The following GALNT5 variants were observed in gnomAD, a reference collection of about 807,000 sequenced individuals.
GALNT5 encodes polypeptide N-acetylgalactosaminyltransferase 5.
Under a neutral mutation model 85.4 loss-of-function variants are expected in GALNT5, and 72 were observed. That is an observed-to-expected ratio of 0.84 (90% CI 0.70 to 1.03). The LOEUF is 1.03. Among genes scored for constraint, GALNT5 ranks in the 50% least tolerant of loss-of-function variants. The pLI, the probability that GALNT5 is intolerant of heterozygous loss-of-function variation, is 0.00. For synonymous variants in GALNT5, 404 were observed against 397.0 expected (o/e 1.02, Z -0.21); for missense variants, 1,137 against 1,135.5 (o/e 1.00, Z -0.02).
In GALNT5 at chr2:157,258,779, G is replaced by T. The variant is rs146507733; in HGVS notation, c.697G>T (p.Ala233Ser). The T allele has an allele frequency of 6.2e-7, 1 of 1,608,284 alleles. No homozygotes were observed. Among genetic ancestry groups the T allele is most frequent in the Non-Finnish European group, 8.5e-7 (1 of 1,175,436 alleles). The change falls in exon 1 of 10, where the codon GCA becomes TCA. Residue 233 changes from alanine to serine, a missense_variant. Physicochemically the swap from Ala to Ser is moderately conservative, Grantham distance 99 (BLOSUM62 1). Transcript: ENST00000259056. ...STDRPKQRSQ[A>S]VANERAHPAS... ...TGATAGACCAAAGCAGCGATCACAG[G>T]CAGTAGCAAACGAGAGGGCACACCC...
At chr2:157,261,179 C>T (rs1041197724) in intron 1 of GALNT5, among the ~76,000 whole-genome samples, 4 of 152,048 alleles carry the variant, frequency 2.6e-5, no homozygotes, top group African/African-American at 9.7e-5. Flanking sequence ...TTCATTTTAA[C>T]ATGCCCTTAT....
At position 157,311,313 on chromosome 2, in the gene GALNT5, C is replaced by A; in HGVS notation, c.2788C>A (p.Gln930Lys). Reference protein sequence around the residue: ...VAACDPVKPYQKWKFEKYYEA With the variant: ...VAACDPVKPYKKWKFEKYYEA ...TGCCTGTGACCCAGTGAAGCCATAT[C>A]AAAAGTGGAAATTTGAAAAATATTA... is the stretch of plus-strand genomic sequence containing the variant. The change falls in exon 10 of 10, where the codon CAA becomes AAA. Residue 930 changes from glutamine (Q) to lysine (K), a missense_variant. By Grantham distance (53) the Gln-to-Lys change is moderately conservative. Coordinates refer to ENST00000259056, the MANE Select transcript of GALNT5 (RefSeq NM_014568.3). The A allele has an allele frequency of 6.2e-7, 1 of 1,609,260 alleles. No individual in the cohort carries two copies. Among genetic ancestry groups the A allele is most frequent in the South Asian group, 1.1e-5 (1 of 90,174 alleles).
rs1304878066 is a variant in GALNT5, at chr2:157,314,957, A to G, written c.*3609A>G. On this transcript the variant is annotated 3_prime_UTR_variant, in exon 10 of 10. Coordinates refer to ENST00000259056, the MANE Select transcript of GALNT5 (RefSeq NM_014568.3). ...GCTGGGCATGGTGGTGGGCGCCTGT[A>G]ATCCCAGCTACCTGGGAGGCTGAAG... Among the ~76,000 whole-genome samples the G allele has an allele frequency of 6.6e-6, 1 of 152,088 alleles. No individual in the cohort carries two copies. The highest frequency in any genetic ancestry group is 1.5e-5 in the Non-Finnish European group (1 of 68,002).
At chr2:157,297,202 C>G (rs1003887722) in intron 5 of GALNT5, among the ~76,000 whole-genome samples, 1 of 152,194 alleles carries the variant, frequency 6.6e-6, no homozygotes, top group Non-Finnish European at 1.5e-5. Context: ...CCAGCCCCAA[C>G]AGAAAGCCAA....
Position 157,311,353 on chromosome 2 carries a change from T to C in GALNT5, c.*5T>C. 6.3e-7 allele frequency: 1 copy of C among 1,580,466 alleles called. No homozygotes were observed. The highest frequency in any genetic ancestry group is 8.6e-7 in the Non-Finnish European group (1 of 1,158,518). On this transcript the variant is annotated 3_prime_UTR_variant, in exon 10 of 10. Coordinates refer to ENST00000259056, the MANE Select transcript of GALNT5 (RefSeq NM_014568.3). The stretch of plus-strand genomic sequence containing the variant: ...GAAAAATATTATGAAGCCTGAAGTG[T>C]AACTGATGTTTTTATATAGTAAACC...
chr2:157,272,555 T>G (rs1682613925), intron 1 of GALNT5, among the ~76,000 whole-genome samples: 1 of 152,200 alleles, frequency 6.6e-6, no homozygotes, highest in Non-Finnish European at 1.5e-5. Context: ...TAGTCCCCAG[T>G]GTCTATCATT....
rs895063247 is a variant in GALNT5, at chr2:157,259,108, A to C, written c.1026A>C (p.Lys342Asn). 1 of 1,476,110 alleles carries C rather than the reference A, an allele frequency of 6.8e-7. No homozygotes were observed. Among genetic ancestry groups the C allele is most frequent in the Admixed American group, 2.4e-5 (1 of 42,390 alleles). 91.4% of individuals were successfully genotyped at this position (1,476,110 alleles called of 1,614,324 possible). ...KADPKEVSNS[K>N]TKTIFPKVLG... ...ACCCCAAAGAGGTCTCTAATTCTAA[A>C]ACCAAAACAATATTTCCTAAAGTAT... The change falls in exon 1 of 10, where the codon AAA becomes AAC. Residue 342 changes from lysine to asparagine, a missense_variant. Coordinates refer to ENST00000259056, the MANE Select transcript of GALNT5 (RefSeq NM_014568.3).
At chr2:157,277,322 G>C (rs1302936758) in intron 1 of GALNT5, among the ~76,000 whole-genome samples, 1 of 152,176 alleles carries the variant, frequency 6.6e-6, no homozygotes, top group Non-Finnish European at 1.5e-5. Flanking sequence ...GAGTTCTGTA[G>C]ATGTCTATTA....
At position 157,258,753 on chromosome 2, in the gene GALNT5, C is replaced by T. The variant is rs751698869; in HGVS notation, c.671C>T (p.Thr224Ile). Reference sequence around the variant, plus strand: ...TTGAATGTGACCATCAGTCTTAGTACTGATAGACCAAAGCAGCGATCACAG... The same window carrying T: ...TTGAATGTGACCATCAGTCTTAGTATTGATAGACCAAAGCAGCGATCACAG... ...RDLNVTISLS[T>I]DRPKQRSQAV... Residue 224 changes from threonine to isoleucine, a missense_variant, in exon 1 of 10, where the codon ACT becomes ATT. By Grantham distance (89) the Thr-to-Ile change is moderately conservative. Transcript: ENST00000259056. 1.9e-5 allele frequency: 30 copies of T among 1,612,800 alleles called. No individual in the cohort carries two copies. The highest frequency in any genetic ancestry group is 1.2e-4 in the South Asian group (11 of 91,032).
At chr2:157,283,923 A>C (rs900359950) in intron 1 of GALNT5, among the ~76,000 whole-genome samples, 1 of 152,208 alleles carries the variant, frequency 6.6e-6, no homozygotes, top group African/African-American at 2.4e-5. Context: ...AGACCTGAGA[A>C]ATATTGGCCA....
rs182030445 is a variant in GALNT5, at chr2:157,315,130, T to A, written c.*3782T>A. 9.2e-5 allele frequency among the ~76,000 whole-genome samples: 14 copies of A among 152,052 alleles called. No homozygotes were observed. Among genetic ancestry groups the A allele is most frequent in the Admixed American group, 7.9e-4 (12 of 15,276 alleles). ...CAGAAGAAAGCCCCAAAATCTTGGATTAAAACAAAAAAATGACATTGGGTG... is the reference window on the plus strand; with the variant it reads ...CAGAAGAAAGCCCCAAAATCTTGGAATAAAACAAAAAAATGACATTGGGTG... On this transcript the variant is annotated 3_prime_UTR_variant, in exon 10 of 10. Coordinates refer to ENST00000259056, the MANE Select transcript of GALNT5 (RefSeq NM_014568.3).
At chr2:157,302,856 G>C (rs1328144790) in intron 7 of GALNT5, among the ~76,000 whole-genome samples, 1 of 152,146 alleles carries the variant, frequency 6.6e-6, no homozygotes, top group Non-Finnish European at 1.5e-5. Flanking sequence ...ATTTTCCTTT[G>C]TTGTCTTCCT....
intron 7 of GALNT5, among the ~76,000 whole-genome samples, chr2:157,304,176 C>T (rs1227898417): frequency 1.3e-5 from 2 of 152,182 alleles, no homozygotes; most frequent in Admixed American, 6.5e-5. Context: ...TTTCTATTCA[C>T]CTTCCTCTCT....
Position 157,313,173 on chromosome 2 carries a change from A to G in GALNT5, c.*1825A>G, listed in dbSNP as rs1683614461. On this transcript the variant is annotated 3_prime_UTR_variant, in exon 10 of 10. Coordinates refer to ENST00000259056, the MANE Select transcript of GALNT5 (RefSeq NM_014568.3). ...GAACCACATATTTGACATTGGTCCC[A>G]AAAGATTATATTAATAATATGGTAT... The G allele has an allele frequency of 6.6e-6, 1 of 152,230 alleles. No individual in the cohort carries two copies. The allele number at this position is 152,230 out of a possible 1,614,324, so 9.4% of individuals were successfully genotyped here. A position where few individuals can be genotyped will look rare whatever the true frequency, so the allele number is the denominator to read the frequency against.
chr2:157,262,744 A>T (rs927202005), intron 1 of GALNT5, among the ~76,000 whole-genome samples: 12 of 149,956 alleles, frequency 8.0e-5, no homozygotes, highest in African/African-American at 3.0e-4. Flanking sequence ...TCTTTTCCAA[A>T]CCTGCTTTTT....
rs539817070 is a variant in GALNT5, at chr2:157,258,559, A to T, written c.477A>T (p.Thr159=). Residue 159 remains threonine (T), a synonymous_variant, in exon 1 of 10, where the codon ACA becomes ACT. Transcript: ENST00000259056. ...CTGAAGCCTCCTCTCACCAGGGGAC[A>T]CCAAAGCAAACGACAGCTCAGGGGG... is the stretch of plus-strand genomic sequence containing the variant. ...TKPEASSHQG[T]PKQTTAQGAP... is the part of the protein sequence containing the mutation. The T allele has an allele frequency of 1.2e-6, 2 of 1,613,302 alleles. No homozygotes were observed. The highest frequency in any genetic ancestry group is 2.7e-5 in the African/African-American group (2 of 74,772).
At position 157,317,162 on chromosome 2, in the gene GALNT5, C is replaced by G. The variant is rs1001437790; in HGVS notation, c.*5814C>G. On this transcript the variant is annotated 3_prime_UTR_variant, in exon 10 of 10. Coordinates refer to ENST00000259056, the MANE Select transcript of GALNT5 (RefSeq NM_014568.3). The stretch of plus-strand genomic sequence containing the variant: ...AAACATAGCAATTTTTGTAAATATA[C>G]TGTATGTGTGTGTATATATATATAT... 1.5e-5 allele frequency among the ~76,000 whole-genome samples: 2 copies of G among 134,098 alleles called. No individual in the cohort carries two copies. Among genetic ancestry groups the G allele is most frequent in the Admixed American group, 1.5e-4 (2 of 13,428 alleles). The allele number at this position is 134,098 out of a possible 152,430, so 88.0% of individuals were successfully genotyped here. A position where few individuals can be genotyped will look rare whatever the true frequency, so the allele number is the denominator to read the frequency against.
intron 1 of GALNT5, among the ~76,000 whole-genome samples, chr2:157,281,987 T>C (rs959951050): frequency 2.0e-5 from 3 of 152,214 alleles, no homozygotes; most frequent in Admixed American, 6.5e-5. Context: ...TTCAGTAATT[T>C]GTTATGGTGG....
At chr2:157,263,723 C>G (rs1048632544) in intron 1 of GALNT5, among the ~76,000 whole-genome samples, 2 of 152,136 alleles carry the variant, frequency 1.3e-5, no homozygotes, top group African/African-American at 4.8e-5. Flanking sequence ...ATTGATACTA[C>G]TTTAAAAATA....
Sources: gnomAD v4.1 joint callset for allele counts (sites outside exome capture counted in the v4.1 genomes callset) on GRCh38, gnomAD v4.1.1 for gene constraint, MANE v1.5 for transcripts, NCBI Gene and HGNC (gene_info 2026-07-23, HGNC 2026-07-21) for gene names.